Variants in NAB1 observed in about 807,000 individuals in gnomAD.
NAB1 encodes NGFI-A-binding protein 1.
Under a neutral mutation model 49.9 loss-of-function variants are expected in NAB1, and 25 were observed. The observed-to-expected ratio is 0.50, with a 90% CI of 0.37 to 0.70. NAB1 has a LOEUF of 0.70. Among genes scored for constraint, NAB1 ranks in the 30% least tolerant of loss-of-function variants. The pLI is 0.00. For synonymous variants in NAB1, 198 were observed against 215.6 expected, an observed-to-expected ratio of 0.92 and a Z score of 0.71; for missense variants, 489 against 575.9, an observed-to-expected ratio of 0.85 and a Z score of 1.54.
chr2:190,665,624 A>G (rs1374999987), intron 4 of NAB1, among the ~76,000 whole-genome samples: 2 of 152,210 alleles, frequency 1.3e-5, no homozygotes, highest in African/African-American at 4.8e-5. Context: ...TCCCGGGAAG[A>G]AAGTGAATTC....
At chr2:190,658,678 G>T (rs1043165120) in intron 3 of NAB1, among the ~76,000 whole-genome samples, 1 of 152,128 alleles carries the variant, frequency 6.6e-6, no homozygotes, top group Admixed American at 6.5e-5. Flanking sequence ...TCTATAAAAT[G>T]GGAATAACTG....
In NAB1 at chr2:190,652,623, A is replaced by C. The variant is rs1225492925; in HGVS notation, c.-197+2641A>C. Reference sequence around the variant, plus strand: ...ACGAATCAATAAGAGACAACATTTTAAGTTTCCCAAATTACAGTCAATTCA... The same window carrying C: ...ACGAATCAATAAGAGACAACATTTTCAGTTTCCCAAATTACAGTCAATTCA... On this transcript the variant is annotated intron_variant, in intron 2 of 9. Transcript: ENST00000337386. This position sits in a 1 kb window ranked among gnomAD's most constrained non-coding sequence, Gnocchi z 4.2. 6.6e-6 allele frequency among the ~76,000 whole-genome samples: 1 copy of C among 152,220 alleles called. No homozygotes were observed. Among genetic ancestry groups the C allele is most frequent in the African/African-American group, 2.4e-5 (1 of 41,470 alleles).
At chr2:190,687,657 A>G (rs891271579) in intron 9 of NAB1, among the ~76,000 whole-genome samples, 1 of 152,174 alleles carries the variant, frequency 6.6e-6, no homozygotes, top group African/African-American at 2.4e-5. Flanking sequence ...CTCAATTGTC[A>G]GTTTTTCTCC....
rs1271725726 is a variant in NAB1 at position 190,680,992 on chromosome 2, T to A, written c.1006-2746T>A. Among the ~76,000 whole-genome samples, 2 of 152,202 alleles carry A rather than the reference T, an allele frequency of 1.3e-5. No individual in the cohort carries two copies. The highest frequency in any genetic ancestry group is 3.8e-4 in the East Asian group (2 of 5,200). On this transcript the variant is annotated intron_variant, in intron 6 of 9. Coordinates refer to ENST00000337386, the MANE Select transcript of NAB1 (RefSeq NM_005966.4). The surrounding 1 kb of genome is among the most constrained non-coding windows in gnomAD (Gnocchi z 5.2). ...AGATGAGAAAATAGACACAGAGAGA[T>A]GAAATAATCTACCCAGTATCACAGC...
chr2:190,671,902 A>G (rs1317921640), intron 5 of NAB1, among the ~76,000 whole-genome samples: 2 of 149,508 alleles, frequency 1.3e-5, no homozygotes, highest in Non-Finnish European at 3.0e-5. Context: ...CAGCCTCCCA[A>G]GTAGCTGGGA....
In NAB1 at chr2:190,659,135, A is replaced by G. The variant is rs774271126; in HGVS notation, c.-19-23A>G. The G allele has an allele frequency of 9.2e-6, 11 of 1,194,084 alleles. No individual in the cohort carries two copies. The highest frequency in any genetic ancestry group is 6.2e-5 in the African/African-American group (4 of 64,332). 74.0% of individuals were successfully genotyped at this position (1,194,084 alleles called of 1,614,324 possible). A position where few individuals can be genotyped will look rare whatever the true frequency, so the allele number is the denominator to read the frequency against. On this transcript the variant is annotated intron_variant, in intron 3 of 9. Coordinates refer to ENST00000337386, the MANE Select transcript of NAB1 (RefSeq NM_005966.4). The surrounding 1 kb of genome is among the most constrained non-coding windows in gnomAD (Gnocchi z 6.2). ...TTTGAAGCAAGTATGATGAGTTTTT[A>G]CTTTTTTTTTTTTTTTTGGCAGGTT...
intron 4 of NAB1, among the ~76,000 whole-genome samples, chr2:190,665,506 G>C (rs1292251114): frequency 6.6e-6 from 1 of 152,148 alleles, no homozygotes; most frequent in Non-Finnish European, 1.5e-5. Context: ...TGATTTTGCT[G>C]TCTGTTGTTT....
In NAB1 at chr2:190,682,385, T is replaced by G. The variant is rs981782059; in HGVS notation, c.1006-1353T>G. Reference sequence around the variant, plus strand: ...ACTCATCCGGTGGTCACATAGCTAGTGAGTGGTGACAGGCCTTTCGAATTC... The same window carrying G: ...ACTCATCCGGTGGTCACATAGCTAGGGAGTGGTGACAGGCCTTTCGAATTC... On this transcript the variant is annotated intron_variant, in intron 6 of 9. Coordinates refer to ENST00000337386, the MANE Select transcript of NAB1 (RefSeq NM_005966.4). This position sits in a 1 kb window ranked among gnomAD's most constrained non-coding sequence, Gnocchi z 4.1. 2.0e-5 allele frequency among the ~76,000 whole-genome samples: 3 copies of G among 152,196 alleles called. No individual in the cohort carries two copies. Among genetic ancestry groups the G allele is most frequent in the African/African-American group, 7.2e-5 (3 of 41,456 alleles).
At chr2:190,671,045 T>C (rs1377053426) in intron 5 of NAB1, among the ~76,000 whole-genome samples, 1 of 152,248 alleles carries the variant, frequency 6.6e-6, no homozygotes, top group Non-Finnish European at 1.5e-5. Flanking sequence ...CTATCCTTAC[T>C]TGAGCCATAA....
chr2:190,651,841 T>G lies in NAB1; in HGVS notation c.-197+1859T>G, dbSNP rs1254730959. On this transcript the variant is annotated intron_variant, in intron 2 of 9. Coordinates refer to ENST00000337386, the MANE Select transcript of NAB1 (RefSeq NM_005966.4). The surrounding 1 kb of genome is among the most constrained non-coding windows in gnomAD (Gnocchi z 4.3). ...TGTTTTGAACAGTTTAAGATCATGCTAATGTATAATCAACCCGTCTATGCA... is the reference window on the plus strand; with the variant it reads ...TGTTTTGAACAGTTTAAGATCATGCGAATGTATAATCAACCCGTCTATGCA... 6.6e-6 allele frequency among the ~76,000 whole-genome samples: 1 copy of G among 152,246 alleles called. No homozygotes were observed. Among genetic ancestry groups the G allele is most frequent in the East Asian group, 1.9e-4 (1 of 5,208 alleles).
rs916369707 is a variant in NAB1 at position 190,674,184 on chromosome 2, CT to C, written c.1005+1041del. 2.0e-5 allele frequency among the ~76,000 whole-genome samples: 3 copies of C among 151,600 alleles called. No individual in the cohort carries two copies. The highest frequency in any genetic ancestry group is 4.4e-5 in the Non-Finnish European group (3 of 67,862). On this transcript the variant is annotated intron_variant, in intron 6 of 9. Coordinates refer to ENST00000337386, the MANE Select transcript of NAB1 (RefSeq NM_005966.4). The surrounding 1 kb of genome is among the most constrained non-coding windows in gnomAD (Gnocchi z 5.7). ...TACTGTACCTGGAATAAAATCTAAA[CT>C]TTTTTTTTAAAGGATCTAAGACCCC... is the stretch of plus-strand genomic sequence containing the variant.
chr2:190,649,018 G>A (rs1693492126), upstream of NAB1: 1 of 146,934 alleles, frequency 6.8e-6, no homozygotes, highest in South Asian at 2.1e-4. The surrounding 1 kb of genome is among the most constrained non-coding windows in gnomAD (Gnocchi z 6.1). Flanking sequence ...GGGGAGGAGG[G>A]TGTAGCGCGC....
rs2125784718 is a variant in NAB1, at chr2:190,676,582, T to C, written c.1005+3430T>C. Among the ~76,000 whole-genome samples the C allele has an allele frequency of 6.6e-6, 1 of 152,260 alleles. No homozygotes were observed. The highest frequency in any genetic ancestry group is 1.5e-5 in the Non-Finnish European group (1 of 68,008). On this transcript the variant is annotated intron_variant, in intron 6 of 9. Transcript: ENST00000337386. This position sits in a 1 kb window ranked among gnomAD's most constrained non-coding sequence, Gnocchi z 4.6. The stretch of plus-strand genomic sequence containing the variant: ...CATCCTTACAAAAATTAGCCAGGCA[T>C]GATGGCATGTGCCTGTAGTCCCAGC...
In NAB1 at chr2:190,685,751, G is replaced by A; in HGVS notation, c.1258+113G>A. The A allele has an allele frequency of 1.2e-6, 1 of 834,770 alleles. No homozygotes were observed. Among genetic ancestry groups the A allele is most frequent in the Admixed American group, 4.0e-5 (1 of 25,036 alleles). 51.7% of individuals were successfully genotyped at this position (834,770 alleles called of 1,614,324 possible). ...ATATTTTGTAGAGATTATTTTACAG[G>A]TTCTCTTATCAAAATTATTTTTTGA... On this transcript the variant is annotated intron_variant, in intron 8 of 9. Coordinates refer to ENST00000337386, the MANE Select transcript of NAB1 (RefSeq NM_005966.4). The surrounding 1 kb of genome is among the most constrained non-coding windows in gnomAD (Gnocchi z 4.5).
rs1694586114 is a variant in NAB1 at position 190,667,518 on chromosome 2, C to T, written c.820-2808C>T. Among the ~76,000 whole-genome samples, 1 of 152,142 alleles carries T rather than the reference C, an allele frequency of 6.6e-6. No homozygotes were observed. Among genetic ancestry groups the T allele is most frequent in the Admixed American group, 6.5e-5 (1 of 15,284 alleles). On this transcript the variant is annotated intron_variant, in intron 4 of 9. Coordinates refer to ENST00000337386, the MANE Select transcript of NAB1 (RefSeq NM_005966.4). The surrounding 1 kb of genome is among the most constrained non-coding windows in gnomAD (Gnocchi z 4.4). ...CCAATAACATTGTGCCTTTCAAAGGCACTTAGGGGAGGAATTTATCTATTG... is the reference window on the plus strand; with the variant it reads ...CCAATAACATTGTGCCTTTCAAAGGTACTTAGGGGAGGAATTTATCTATTG...
chr2:190,680,463 C>T lies in NAB1; in HGVS notation c.1006-3275C>T, dbSNP rs1180910884. On this transcript the variant is annotated intron_variant, in intron 6 of 9. Transcript: ENST00000337386. This position sits in a 1 kb window ranked among gnomAD's most constrained non-coding sequence, Gnocchi z 5.2. The stretch of plus-strand genomic sequence containing the variant: ...CACCCTGGCCTCTGGGATGCCTGCT[C>T]TGCCACAGCGCCCTCTGCTGTGCTC... Among the ~76,000 whole-genome samples, 1 of 152,206 alleles carries T rather than the reference C, an allele frequency of 6.6e-6. No individual in the cohort carries two copies. The highest frequency in any genetic ancestry group is 1.5e-5 in the Non-Finnish European group (1 of 68,036).
rs140024769 is a variant in NAB1 at position 190,685,954 on chromosome 2, T to C, written c.1258+316T>C. Among the ~76,000 whole-genome samples the C allele has an allele frequency of 2.0e-5, 3 of 151,868 alleles. No individual in the cohort carries two copies. Among genetic ancestry groups the C allele is most frequent in the South Asian group, 4.2e-4 (2 of 4,816 alleles). On this transcript the variant is annotated intron_variant, in intron 8 of 9. Coordinates refer to ENST00000337386, the MANE Select transcript of NAB1 (RefSeq NM_005966.4). This position sits in a 1 kb window ranked among gnomAD's most constrained non-coding sequence, Gnocchi z 4.5. Reference sequence around the variant, plus strand: ...AAGAAGCAGATTCCGGGAGAGATGTTTATCCTTTTTAAATGACCAAAACTT... The same window carrying C: ...AAGAAGCAGATTCCGGGAGAGATGTCTATCCTTTTTAAATGACCAAAACTT...
In NAB1 at chr2:190,659,509, C is replaced by T; in HGVS notation, c.333C>T (p.Cys111=). The T allele has an allele frequency of 1.9e-6, 3 of 1,614,156 alleles. No individual in the cohort carries two copies. The highest frequency in any genetic ancestry group is 2.5e-6 in the Non-Finnish European group (3 of 1,180,020). ...EGSPTWLGIS[C]SSYERSSNAR... Reference sequence around the variant, plus strand: ...CACCAACATGGCTGGGAATATCCTGCAGTAGTTATGAAAGGAGTAGCAATG... The same window carrying T: ...CACCAACATGGCTGGGAATATCCTGTAGTAGTTATGAAAGGAGTAGCAATG... The change falls in exon 4 of 10, where the codon TGC becomes TGT. Residue 111 remains cysteine, a synonymous_variant. Coordinates refer to ENST00000337386, the MANE Select transcript of NAB1 (RefSeq NM_005966.4). This position sits in a 1 kb window ranked among gnomAD's most constrained non-coding sequence, Gnocchi z 6.2.
Position 190,659,859 on chromosome 2 carries a change from T to C in NAB1, c.683T>C (p.Leu228Ser), listed in dbSNP as rs1460253832. The C allele has an allele frequency of 3.1e-6, 5 of 1,614,072 alleles. No individual in the cohort carries two copies. The highest frequency in any genetic ancestry group is 1.3e-5 in the African/African-American group (1 of 74,932). Reference sequence around the variant, plus strand: ...GAGCTGCTAAAAACCAACAAGAAGTTGGCCAAAATGATTGGTCACATCTTT... The same window carrying C: ...GAGCTGCTAAAAACCAACAAGAAGTCGGCCAAAATGATTGGTCACATCTTT... ...VKELLKTNKKLAKMIGHIFEM... is the reference protein window; with the variant it reads ...VKELLKTNKKSAKMIGHIFEM... The change falls in exon 4 of 10, where the codon TTG (leucine) becomes TCG (serine). Residue 228 changes from leucine to serine, a missense_variant. Transcript: ENST00000337386. The surrounding 1 kb of genome is among the most constrained non-coding windows in gnomAD (Gnocchi z 6.2).
Sources: allele counts gnomAD v4.1 joint callset (sites outside exome capture counted in the v4.1 genomes callset), GRCh38; gene constraint gnomAD v4.1.1; non-coding constraint Gnocchi (gnomAD v3.1); transcripts MANE v1.5; gene names NCBI Gene and HGNC (gene_info 2026-07-23, HGNC 2026-07-21).